Variants in VPS53 observed in about 807,000 individuals in gnomAD.
VPS53 encodes the protein vacuolar protein sorting-associated protein 53 homolog.
A neutral mutation model predicts 107.0 loss-of-function variants in VPS53; 70 were observed. That is an observed-to-expected ratio of 0.65 (90% CI 0.54 to 0.80). VPS53 has a LOEUF of 0.80. Among genes scored for constraint, VPS53 ranks in the 30% least tolerant of loss-of-function variants. The pLI is 0.00. For missense variants in VPS53, 917 were observed against 1,049.4 expected (o/e 0.87, Z 1.74); for synonymous variants, 409 against 393.3 (o/e 1.04, Z -0.47).
chr17:535,015 C>T (rs1429199166), intron 18 of VPS53, among the ~76,000 whole-genome samples: 2 of 152,000 alleles, frequency 1.3e-5, no homozygotes, highest in Non-Finnish European at 2.9e-5. Flanking sequence ...TGACACACGT[C>T]CTGTGGGGAA....
At chr17:598,114 G>A (rs1311554086) in intron 12 of VPS53, among the ~76,000 whole-genome samples, 1 of 152,204 alleles carries the variant, frequency 6.6e-6, no homozygotes, top group Admixed American at 6.5e-5. Flanking sequence ...TGCGATTGCA[G>A]GCTCGCGCCG....
At chr17:712,824 T>C (rs954441297) in intron 1 of VPS53, among the ~76,000 whole-genome samples, 1 of 152,190 alleles carries the variant, frequency 6.6e-6, no homozygotes, top group East Asian at 1.9e-4. Context: ...AAAATGTGCT[T>C]TTCTGATACC....
chr17:653,906 C>T (rs1039857634), intron 6 of VPS53, among the ~76,000 whole-genome samples: 6 of 152,102 alleles, frequency 3.9e-5, no homozygotes, highest in East Asian at 1.9e-4. Flanking sequence ...CTGTCATCCC[C>T]GCGCTGTGGG....
intron 4 of VPS53, among the ~76,000 whole-genome samples, chr17:663,817 TGGTAAACA>T (rs772709249): frequency 0.099 from 15,000 of 152,196 alleles, 825 homozygotes; most frequent in East Asian, 0.21. Context: ...GGGAATCCAA[TGGTAAACA>T]AGACAGTATG....
rs1346363500 is a variant in VPS53, at chr17:519,229, C to T, written c.2398G>A (p.Gly800Arg). 1 of 1,548,716 alleles carries T rather than the reference C, an allele frequency of 6.5e-7. No homozygotes were observed. The highest frequency in any genetic ancestry group is 1.2e-5 in the South Asian group (1 of 83,746). Reference protein sequence around the residue: ...LRQRLPAPPSGAESSGSLSLT... With the variant: ...LRQRLPAPPSRAESSGSLSLT... The stretch of plus-strand genomic sequence containing the variant: ...GACAGTGAGCCGGAGCTTTCTGCCC[C>T]CGAGGGCGGTGCGGGGAGCCGCTGG... Residue 800 changes from glycine to arginine, a missense_variant, in exon 22 of 22, where the codon GGG becomes AGG. Physicochemically the swap from Gly to Arg is moderately radical, Grantham distance 125. Coordinates refer to ENST00000437048, the MANE Select transcript of VPS53 (RefSeq NM_001128159.3). The surrounding 1 kb of genome is among the most constrained non-coding windows in gnomAD (Gnocchi z 5.0).
chr17:606,540 CCAT>C (rs1968589773), intron 11 of VPS53, among the ~76,000 whole-genome samples: 1 of 152,100 alleles, frequency 6.6e-6, no homozygotes, highest in Non-Finnish European at 1.5e-5. Context: ...CACCACATCA[CCAT>C]GTTTCCATCC....
intron 11 of VPS53, among the ~76,000 whole-genome samples, chr17:616,861 A>AT (rs1302924781): frequency 1.3e-5 from 2 of 151,480 alleles, no homozygotes. Context: ...CCTTTGGGGG[A>AT]TTTTTCCTTG....
chr17:685,367 C>G (rs963385403), intron 4 of VPS53, among the ~76,000 whole-genome samples: 1 of 152,202 alleles, frequency 6.6e-6, no homozygotes, highest in Non-Finnish European at 1.5e-5. Context: ...AATTTTCTTA[C>G]TACACGATGG....
chr17:678,783 C>T (rs1300212034), intron 4 of VPS53, among the ~76,000 whole-genome samples: 5 of 152,078 alleles, frequency 3.3e-5, no homozygotes, highest in East Asian at 2.0e-4. Context: ...GGACTACAGG[C>T]GCCCGCCATC....
At chr17:537,230 C>T (rs1910158498) in intron 17 of VPS53, 54 bp from the exon 18 acceptor site, 1 of 1,592,330 alleles carries the variant, frequency 6.3e-7, no homozygotes, top group Admixed American at 1.7e-5. Flanking sequence ...ACGGTGTCGC[C>T]TGTTACTGGG....
chr17:699,903 T>A (rs1231179693), intron 2 of VPS53, among the ~76,000 whole-genome samples: 1 of 152,214 alleles, frequency 6.6e-6, no homozygotes, highest in Non-Finnish European at 1.5e-5. Context: ...ATTCTCCTGT[T>A]AGAAGCTAGG....
rs113273262 is a variant in VPS53, at chr17:612,269, G to C, written c.1117-10373C>G. 9.2e-5 allele frequency among the ~76,000 whole-genome samples: 10 copies of C among 108,732 alleles called. No individual in the cohort carries two copies. The South Asian group carries it at 3.7e-3, about 40-fold the overall frequency. The allele number at this position is 108,732 out of a possible 152,430, so 71.3% of individuals were successfully genotyped here. On this transcript the variant is annotated intron_variant, in intron 11 of 21. Transcript: ENST00000437048. ...ACCTGTACAAATATTCACATAGTGA[G>C]TTCACACAGTGAAAACCTGTACAGA...
At chr17:614,046 T>C (rs926953830) in intron 11 of VPS53, among the ~76,000 whole-genome samples, 2 of 152,204 alleles carry the variant, frequency 1.3e-5, no homozygotes, top group African/African-American at 4.8e-5. Flanking sequence ...AGCATCCGTT[T>C]ATGTGAAGTG....
rs1335304480 is a variant in VPS53 at position 513,002 on chromosome 17, G to A, written c.*6126C>T. The A allele has an allele frequency of 1.3e-5, 2 of 152,382 alleles. No homozygotes were observed. Among genetic ancestry groups the A allele is most frequent in the South Asian group, 2.1e-4 (1 of 4,828 alleles). 9.4% of individuals were successfully genotyped at this position (152,382 alleles called of 1,614,324 possible). ...GGGCAAGTAGGGTTCCAAGTCAGAA[G>A]CAAAACACTTTACACAACATTACAG... On this transcript the variant is annotated 3_prime_UTR_variant, in exon 22 of 22. Transcript: ENST00000437048.
chr17:614,941 C>CA (rs926736573), intron 11 of VPS53, among the ~76,000 whole-genome samples: 61 of 151,400 alleles, frequency 4.0e-4, no homozygotes, highest in Middle Eastern at 3.4e-3. Context: ...TTTATTACTA[C>CA]AAAAAAAACA....
chr17:572,401 G>A (rs1242565510), intron 13 of VPS53, among the ~76,000 whole-genome samples: 3 of 149,988 alleles, frequency 2.0e-5, no homozygotes, highest in African/African-American at 4.9e-5. Context: ...CACCCCGTCC[G>A]GGAGGGAGGT....
At chr17:583,239 C>G (rs72477037) in intron 13 of VPS53, among the ~76,000 whole-genome samples, 14 of 149,710 alleles carry the variant, frequency 9.4e-5, no homozygotes, top group Non-Finnish European at 2.1e-4. Flanking sequence ...CCCAGAGAAC[C>G]TCCTTCGGAA....
chr17:709,219 C>CACA (rs1973540540), intron 2 of VPS53, among the ~76,000 whole-genome samples: 4 of 126,628 alleles, frequency 3.2e-5, no homozygotes, highest in African/African-American at 1.0e-4. Context: ...GGTATCACGG[C>CACA]GCAGCACGCT....
chr17:647,373 T>C (rs1429811129), intron 7 of VPS53, among the ~76,000 whole-genome samples: 2 of 152,232 alleles, frequency 1.3e-5, no homozygotes, highest in Admixed American at 6.5e-5. Flanking sequence ...AGAGTGTGTA[T>C]TTCTTATCTT....
Sources: allele counts gnomAD v4.1 joint callset (sites outside exome capture counted in the v4.1 genomes callset), GRCh38; gene constraint gnomAD v4.1.1; non-coding constraint Gnocchi (gnomAD v3.1); transcripts MANE v1.5; gene names NCBI Gene and HGNC (gene_info 2026-07-23, HGNC 2026-07-21).